The following GATAD2A variants were observed in gnomAD, a reference collection of about 807,000 sequenced individuals.
GATAD2A encodes the protein GATA zinc finger domain containing 2A.
A neutral mutation model predicts 68.5 loss-of-function variants in GATAD2A; 12 were observed. The observed-to-expected ratio is 0.18, with a 90% CI of 0.11 to 0.28. GATAD2A has a LOEUF of 0.28. GATAD2A is among the 10% of genes least tolerant of loss of function. The pLI is 1.00. For missense variants in GATAD2A, 755 were observed against 868.5 expected (o/e 0.87, Z 1.64); for synonymous variants, 410 against 375.3 (o/e 1.09, Z -1.07).
chr19:19,440,180 A>G (rs2054840645), intron 1 of GATAD2A: 1 of 415,348 alleles, frequency 2.4e-6, no homozygotes, highest in African/African-American at 2.2e-5. Context: ...AACAATGTAA[A>G]GGAAGAAGAG....
rs2060907876 is a variant in GATAD2A at position 19,507,322 on chromosome 19, T to C, written c.*1848T>C. ...CGCATTTTTCTGTGTGCCTGGCAAA[T>C]AAATACCTGTCTCCTACGACCCTGA... On this transcript the variant is annotated 3_prime_UTR_variant, in exon 12 of 12. Coordinates refer to ENST00000683918, the MANE Select transcript of GATAD2A (RefSeq NM_001384528.1). 1 of 149,714 alleles carries C rather than the reference T, an allele frequency of 6.7e-6. No individual in the cohort carries two copies. The highest frequency in any genetic ancestry group is 1.5e-5 in the Non-Finnish European group (1 of 67,652). 9.3% of individuals were successfully genotyped at this position (149,714 alleles called of 1,614,324 possible). A position where few individuals can be genotyped will look rare whatever the true frequency, so the allele number is the denominator to read the frequency against.
Position 19,498,694 on chromosome 19 carries a change from G to A in GATAD2A, c.1176G>A (p.Glu392=). ...TCATCTACCTGGTCGGCCTGGAGGA[G>A]GTGGTGCAGAACCTACTGGAGACAC... The part of the protein sequence containing the change: ...NEFIYLVGLE[E]VVQNLLETQA... Residue 392 remains glutamate (E), a synonymous_variant, in exon 8 of 12, where the codon GAG becomes GAA. Transcript: ENST00000683918. 1.9e-6 allele frequency: 3 copies of A among 1,613,302 alleles called. No individual in the cohort carries two copies. Among genetic ancestry groups the A allele is most frequent in the South Asian group, 2.2e-5 (2 of 91,018 alleles).
intron 1 of GATAD2A, among the ~76,000 whole-genome samples, chr19:19,409,551 C>T (rs1442791569): frequency 6.6e-6 from 1 of 152,168 alleles, no homozygotes; most frequent in Non-Finnish European, 1.5e-5. Context: ...CGGGAGGTAG[C>T]TTTCCACAGT....
rs146312321 is a variant in GATAD2A at position 19,462,530 on chromosome 19, C to G, written c.-6-2810C>G. The stretch of plus-strand genomic sequence containing the variant: ...GCGCTGTGAGGCCAGCCGTCAGTGC[C>G]GGGCCTGGGATTGGCAGAGTTCCAG... On this transcript the variant is annotated intron_variant, in intron 1 of 11. Coordinates refer to ENST00000683918, the MANE Select transcript of GATAD2A (RefSeq NM_001384528.1). Among the ~76,000 whole-genome samples, 805 of 152,338 alleles carry G rather than the reference C, an allele frequency of 5.3e-3. 6 individuals are homozygous for G. Among genetic ancestry groups the G allele is most frequent in the South Asian group, 0.041 (198 of 4,834 alleles).
At chr19:19,424,667 CTGGCCTGGCGCTTTACTTT>C (rs1387265720) in intron 1 of GATAD2A, among the ~76,000 whole-genome samples, 6 of 152,146 alleles carry the variant, frequency 3.9e-5, no homozygotes, top group Non-Finnish European at 7.4e-5. Flanking sequence ...GCCATCATGC[CTGGCCTGGCGCTTTACTTT>C]TGACCATGTG....
At chr19:19,424,111 A>G (rs1199295470) in intron 1 of GATAD2A, among the ~76,000 whole-genome samples, 1 of 151,874 alleles carries the variant, frequency 6.6e-6, no homozygotes, top group Non-Finnish European at 1.5e-5. Flanking sequence ...TTTTTATAGA[A>G]ACAGGGTCTC....
chr19:19,446,053 ACT>A (rs1188216993), intron 1 of GATAD2A, among the ~76,000 whole-genome samples: 1 of 151,866 alleles, frequency 6.6e-6, no homozygotes, highest in African/African-American at 2.4e-5. Context: ...TTTCCACATC[ACT>A]CTACTGTTTT....
At chr19:19,492,267 G>T (rs770843273) in intron 2 of GATAD2A, 39 bp from the exon 3 acceptor site, 32 of 1,577,894 alleles carry the variant, frequency 2.0e-5, no homozygotes, top group Non-Finnish European at 2.7e-5. Flanking sequence ...GGGTCCAGCT[G>T]TCAAGGGCGC....
rs2050787386 is a variant in GATAD2A at position 19,410,453 on chromosome 19, G to A, written c.-7+4434G>A. Among the ~76,000 whole-genome samples, 3 of 152,144 alleles carry A rather than the reference G, an allele frequency of 2.0e-5. No homozygotes were observed. In the South Asian group the frequency reaches 6.2e-4, roughly 31 times the overall value. The stretch of plus-strand genomic sequence containing the variant: ...GGGTGTGGCCATGTGGTACAGGATT[G>A]GGGAGAAATTCCACTTGTTTGAAGG... On this transcript the variant is annotated intron_variant, in intron 1 of 11. Transcript: ENST00000683918.
intron 11 of GATAD2A, among the ~76,000 whole-genome samples, chr19:19,504,595 AAACAACAAC>A (rs530459178): frequency 6.6e-6 from 1 of 151,654 alleles, no homozygotes; most frequent in Non-Finnish European, 1.5e-5. Context: ...TGAGACCAGT[AAACAACAAC>A]AACAACACTT....
At chr19:19,449,154 G>A (rs1178699593) in intron 1 of GATAD2A, among the ~76,000 whole-genome samples, 1 of 152,172 alleles carries the variant, frequency 6.6e-6, no homozygotes, top group Non-Finnish European at 1.5e-5. Context: ...GGACCTGTCT[G>A]TCCCAGGCTG....
At chr19:19,385,994 G>C (rs932125332) in exon 1 of GATAD2A, 2 of 150,540 alleles carry the variant, frequency 1.3e-5, no homozygotes, top group African/African-American at 4.9e-5. Context: ...TCGGTCGTCT[G>C]TCCTGTCGCC....
chr19:19,457,469 G>A (rs535842067), intron 1 of GATAD2A, among the ~76,000 whole-genome samples: 105 of 152,276 alleles, frequency 6.9e-4, no homozygotes, highest in Non-Finnish European at 1.2e-3. Context: ...GGCCAGGCTC[G>A]GTGGCTCACG....
chr19:19,498,978 G>A (rs1469320975), intron 8 of GATAD2A, among the ~76,000 whole-genome samples: 1 of 152,218 alleles, frequency 6.6e-6, no homozygotes, highest in Non-Finnish European at 1.5e-5. Flanking sequence ...TGACGTTGGC[G>A]TGTGGTGGGG....
At chr19:19,436,743 TTC>T (rs2054401454) in intron 1 of GATAD2A, among the ~76,000 whole-genome samples, 3 of 152,326 alleles carry the variant, frequency 2.0e-5, no homozygotes, top group Admixed American at 2.0e-4. Context: ...ACCTTGGATT[TTC>T]TCTGTTACCA....
At chr19:19,502,701 G>C (rs2148503704) in intron 11 of GATAD2A, among the ~76,000 whole-genome samples, 175 bp downstream of exon 11, 1 of 152,314 alleles carries the variant, frequency 6.6e-6, no homozygotes, top group South Asian at 2.1e-4. Flanking sequence ...CTGAAGAAGT[G>C]ACAGCCCCGA....
chr19:19,497,293 A>C (rs549666981), intron 7 of GATAD2A, among the ~76,000 whole-genome samples: 31 of 152,280 alleles, frequency 2.0e-4, no homozygotes, highest in African/African-American at 7.0e-4. Context: ...ACAGTGTTAC[A>C]CCATGTTGGC....
chr19:19,502,717 T>C (rs892428226), intron 11 of GATAD2A, among the ~76,000 whole-genome samples, 191 bp downstream of exon 11: 16 of 152,276 alleles, frequency 1.1e-4, no homozygotes, highest in Middle Eastern at 3.4e-3. Flanking sequence ...CCCGAGCAGA[T>C]AGGAAATAGT....
At chr19:19,429,024 T>G (rs1040441755) in intron 1 of GATAD2A, among the ~76,000 whole-genome samples, 4 of 151,850 alleles carry the variant, frequency 2.6e-5, no homozygotes, top group African/African-American at 7.2e-5. Context: ...TATGTTTTTT[T>G]TTTTTTTTTT....
Sources: gnomAD v4.1 joint callset for allele counts (sites outside exome capture counted in the v4.1 genomes callset) on GRCh38, gnomAD v4.1.1 for gene constraint, MANE v1.5 for transcripts, NCBI Gene and HGNC (gene_info 2026-07-23, HGNC 2026-07-21) for gene names.